The following WSCD2 variants were observed in gnomAD, a reference collection of about 807,000 sequenced individuals.
WSCD2 encodes the protein sialate:O-sulfotransferase 2.
WSCD2 carries 28 observed loss-of-function variants against 55.7 expected under a neutral mutation model. The ratio of observed to expected loss-of-function variants is 0.50; its 90% CI spans 0.37 to 0.69. The LOEUF is 0.69. Among genes scored for constraint, WSCD2 ranks in the 30% least tolerant of loss-of-function variants. The pLI is 0.00. For synonymous variants in WSCD2, 301 were observed against 301.9 expected (o/e 1.00, Z 0.03); for missense variants, 616 against 762.1 (o/e 0.81, Z 2.26).
At chr12:108,203,990 A>C (rs1298081947) in intron 2 of WSCD2, among the ~76,000 whole-genome samples, 1 of 152,266 alleles carries the variant, frequency 6.6e-6, no homozygotes, top group Non-Finnish European at 1.5e-5. Context: ...GAAAAGCGGA[A>C]GTAACATGAG....
At chr12:108,165,015 A>C (rs1555224911) in intron 1 of WSCD2, among the ~76,000 whole-genome samples, 1 of 152,214 alleles carries the variant, frequency 6.6e-6, no homozygotes, top group Non-Finnish European at 1.5e-5. Context: ...GAGAAAAGAA[A>C]GACTTTATTG....
At chr12:108,134,461 G>C (rs183390495) in intron 1 of WSCD2, among the ~76,000 whole-genome samples, 265 of 152,244 alleles carry the variant, frequency 1.7e-3, no homozygotes, top group African/African-American at 6.2e-3. Flanking sequence ...TTCTCAGCCT[G>C]GCCCTAGAAT....
chr12:108,183,196 C>A (rs908697304), intron 1 of WSCD2, among the ~76,000 whole-genome samples: 4 of 152,186 alleles, frequency 2.6e-5, no homozygotes, highest in African/African-American at 4.8e-5. Context: ...ATTCTTTTGA[C>A]AATTCCAGGG....
intron 2 of WSCD2, among the ~76,000 whole-genome samples, chr12:108,198,789 C>A (rs1360828432): frequency 6.6e-6 from 1 of 152,138 alleles, no homozygotes; most frequent in Non-Finnish European, 1.5e-5. Flanking sequence ...ACAGGCTAGA[C>A]CATGTTACGT....
At chr12:108,205,290 GC>G (rs1640724461) in intron 2 of WSCD2, among the ~76,000 whole-genome samples, 1 of 152,120 alleles carries the variant, frequency 6.6e-6, no homozygotes, top group South Asian at 2.1e-4. Flanking sequence ...ACTTCTCCGG[GC>G]CCTTTTCTCT....
chr12:108,247,988 C>T lies in WSCD2; in HGVS notation c.1346-3C>T. 2 of 1,609,760 alleles carry T rather than the reference C, an allele frequency of 1.2e-6. No individual in the cohort carries two copies. The highest frequency in any genetic ancestry group is 1.7e-6 in the Non-Finnish European group (2 of 1,176,792). On this transcript the variant is annotated splice_region_variant and splice_polypyrimidine_tract_variant and intron_variant, in intron 8 of 8. Coordinates refer to ENST00000547525, the MANE Select transcript of WSCD2 (RefSeq NM_014653.4). Reference sequence around the variant, plus strand: ...GACTGTGTCCTTTCTCCTCTCTCTGCAGAGTGGCCAGAGTTCGTGAGGAAC... The same window carrying T: ...GACTGTGTCCTTTCTCCTCTCTCTGTAGAGTGGCCAGAGTTCGTGAGGAAC...
intron 1 of WSCD2, among the ~76,000 whole-genome samples, chr12:108,144,324 G>A (rs922949995): frequency 5.3e-5 from 8 of 152,194 alleles, no homozygotes; most frequent in African/African-American, 1.9e-4. Flanking sequence ...GGGAGCACCT[G>A]TCTTCCTCTG....
At chr12:108,174,500 C>A (rs1419398551) in intron 1 of WSCD2, among the ~76,000 whole-genome samples, 2 of 152,178 alleles carry the variant, frequency 1.3e-5, no homozygotes, top group Non-Finnish European at 2.9e-5. Context: ...TAGCCAGAGT[C>A]TGATGTCATT....
In WSCD2 at chr12:108,210,698, C is replaced by T. The variant is rs1286405857; in HGVS notation, c.682+393C>T. ...ACACTTTGTCCTTTTCTCCATGCCT[C>T]ATATAGAATAGCACATCTAATCTTC... On this transcript the variant is annotated intron_variant, in intron 4 of 8. Coordinates refer to ENST00000547525, the MANE Select transcript of WSCD2 (RefSeq NM_014653.4). This position sits in a 1 kb window ranked among gnomAD's most constrained non-coding sequence, Gnocchi z 4.3. Among the ~76,000 whole-genome samples the T allele has an allele frequency of 6.6e-6, 1 of 152,170 alleles. No individual in the cohort carries two copies. Among genetic ancestry groups the T allele is most frequent in the Non-Finnish European group, 1.5e-5 (1 of 68,032 alleles).
chr12:108,235,195 T>A (rs576014341), intron 7 of WSCD2, among the ~76,000 whole-genome samples: 1 of 152,334 alleles, frequency 6.6e-6, no homozygotes, highest in African/African-American at 2.4e-5. Context: ...AGTACTGAAC[T>A]CAAAGATTTT....
intron 1 of WSCD2, among the ~76,000 whole-genome samples, chr12:108,182,142 TA>T (rs1881855727): frequency 6.6e-6 from 1 of 152,244 alleles, no homozygotes; most frequent in African/African-American, 2.4e-5. Context: ...AAATCACTCC[TA>T]ATCCTACCTC....
chr12:108,234,905 A>G (rs1889129438), intron 7 of WSCD2, among the ~76,000 whole-genome samples: 1 of 152,106 alleles, frequency 6.6e-6, no homozygotes, highest in African/African-American at 2.4e-5. Context: ...AAAGATTCTG[A>G]GGTTCTTCTA....
In WSCD2 at chr12:108,157,126, T is replaced by C. The variant is rs115242278; in HGVS notation, c.-552+27200T>C. ...CCCCAGATATTTCTCTGTGGTTTCT[T>C]CGTTGTTTGTTTGTTTGCTTTTAGT... On this transcript the variant is annotated intron_variant, in intron 1 of 8. Coordinates refer to ENST00000547525, the MANE Select transcript of WSCD2 (RefSeq NM_014653.4). Among the ~76,000 whole-genome samples the C allele has an allele frequency of 1.7e-3, 262 of 152,336 alleles. 2 individuals carry two copies. Among genetic ancestry groups the C allele is most frequent in the African/African-American group, 6.2e-3 (256 of 41,572 alleles).
At chr12:108,165,613 C>T (rs546526694) in intron 1 of WSCD2, among the ~76,000 whole-genome samples, 55 of 152,328 alleles carry the variant, frequency 3.6e-4, no homozygotes, top group Admixed American at 1.8e-3. Flanking sequence ...GGGACCCTCC[C>T]ATTTGCTGAG....
intron 2 of WSCD2, among the ~76,000 whole-genome samples, chr12:108,206,075 A>G (rs1323748486): frequency 6.6e-6 from 1 of 152,156 alleles, no homozygotes; most frequent in Non-Finnish European, 1.5e-5. Context: ...CAGCCCACAG[A>G]AGGCTTCACT....
chr12:108,175,188 C>T (rs1001159658), intron 1 of WSCD2, among the ~76,000 whole-genome samples: 2 of 152,176 alleles, frequency 1.3e-5, no homozygotes, highest in Non-Finnish European at 2.9e-5. Flanking sequence ...TACCAGCACA[C>T]AGGGGGCAGG....
chr12:108,229,111 G>A (rs147556541), intron 6 of WSCD2, among the ~76,000 whole-genome samples: 58 of 152,176 alleles, frequency 3.8e-4, no homozygotes, highest in African/African-American at 1.3e-3. Context: ...ATTTTGCCAC[G>A]TCACTCTTGC....
chr12:108,166,761 T>TTTCTTTCTTTTTTTCTTTC (rs10680980), intron 1 of WSCD2, among the ~76,000 whole-genome samples: 1 of 124,820 alleles, frequency 8.0e-6, no homozygotes, highest in Non-Finnish European at 1.7e-5. Context: ...TCTTTCTTTC[T>TTTCTTTCTTTTTTTCTTTC]TTTCTTTCTT....
At chr12:108,219,392 G>T (rs116938727) in intron 4 of WSCD2, among the ~76,000 whole-genome samples, 262 of 152,226 alleles carry the variant, frequency 1.7e-3, no homozygotes, top group Non-Finnish European at 2.9e-3. Flanking sequence ...ACTCACACTG[G>T]CATGAGCACA....
Sources: gnomAD v4.1 joint callset for allele counts (sites outside exome capture counted in the v4.1 genomes callset) on GRCh38, gnomAD v4.1.1 for gene constraint, Gnocchi (gnomAD v3.1) non-coding constraint, MANE v1.5 for transcripts, NCBI Gene and HGNC (gene_info 2026-07-23, HGNC 2026-07-21) for gene names.